The following OR5A2 variants were observed in gnomAD, a reference collection of about 807,000 sequenced individuals.
The protein encoded by OR5A2 is olfactory receptor 5A2.
For missense variants in OR5A2, 406 were observed against 398.9 expected, an observed-to-expected ratio of 1.02 and a Z score of -0.15; for synonymous variants, 155 against 151.1, an observed-to-expected ratio of 1.03 and a Z score of -0.19.
chr11:59,420,206 A>G lies in OR5A2; in HGVS notation c.*1773T>C, dbSNP rs1003459948. The G allele has an allele frequency of 6.6e-6, 1 of 152,126 alleles. No individual in the cohort carries two copies. Among genetic ancestry groups the G allele is most frequent in the African/African-American group, 2.4e-5 (1 of 41,432 alleles). 9.4% of individuals were successfully genotyped at this position (152,126 alleles called of 1,614,324 possible). A position where few individuals can be genotyped will look rare whatever the true frequency, so the allele number is the denominator to read the frequency against. On this transcript the variant is annotated 3_prime_UTR_variant, in exon 2 of 2. Coordinates refer to ENST00000302040, the MANE Select transcript of OR5A2 (RefSeq NM_001001954.2). ...TCAGGTAGCTACAGATGAGGAAAACAGAGTTTCTAAATAACTTGGATCAGG... is the reference window on the plus strand; with the variant it reads ...TCAGGTAGCTACAGATGAGGAAAACGGAGTTTCTAAATAACTTGGATCAGG...
At position 59,417,690 on chromosome 11, in the gene OR5A2, T is replaced by G. The variant is rs1046523451; in HGVS notation, c.*4289A>C. The G allele has an allele frequency of 6.6e-6, 1 of 152,058 alleles. No individual in the cohort carries two copies. The highest frequency in any genetic ancestry group is 2.4e-5 in the African/African-American group (1 of 41,418). 9.4% of individuals were successfully genotyped at this position (152,058 alleles called of 1,614,324 possible). A position where few individuals can be genotyped will look rare whatever the true frequency, so the allele number is the denominator to read the frequency against. ...ATTATCTAGACACAAGCAAGTGAAA[T>G]ACAAATGATTCCTCATTTCTGTGGA... On this transcript the variant is annotated 3_prime_UTR_variant, in exon 2 of 2. Transcript: ENST00000302040.
Position 59,417,029 on chromosome 11 carries a change from C to A in OR5A2, c.*4950G>T, listed in dbSNP as rs753891388. 1 of 152,016 alleles carries A rather than the reference C, an allele frequency of 6.6e-6. No individual in the cohort carries two copies. The highest frequency in any genetic ancestry group is 1.5e-5 in the Non-Finnish European group (1 of 67,978). The allele number at this position is 152,016 out of a possible 1,614,324, so 9.4% of individuals were successfully genotyped here. On this transcript the variant is annotated 3_prime_UTR_variant, in exon 2 of 2. Transcript: ENST00000302040. ...CAAACAAGAATATACCATACAATATCAAAGTGATACTTTATGCATGCCAAT... is the reference window on the plus strand; with the variant it reads ...CAAACAAGAATATACCATACAATATAAAAGTGATACTTTATGCATGCCAAT...
At chr11:59,424,942 G>A (rs1858277563) in intron 1 of OR5A2, 1 of 152,168 alleles carries the variant, frequency 6.6e-6, no homozygotes. Flanking sequence ...CTCTTATCTT[G>A]GTGAAATCTT....
rs971170830 is a variant in OR5A2 at position 59,420,804 on chromosome 11, T to C, written c.*1175A>G. 1 of 152,212 alleles carries C rather than the reference T, an allele frequency of 6.6e-6. No homozygotes were observed. The highest frequency in any genetic ancestry group is 1.5e-5 in the Non-Finnish European group (1 of 68,032). The allele number at this position is 152,212 out of a possible 1,614,324, so 9.4% of individuals were successfully genotyped here. On this transcript the variant is annotated 3_prime_UTR_variant, in exon 2 of 2. Transcript: ENST00000302040. ...CTTCCAGAATTAATCACAGCCCTGG[T>C]AAAAATAGAGAACTTTTCATCCCAA...
intron 1 of OR5A2, 152 bp from the exon 2 acceptor site, chr11:59,423,196 AAGT>A: frequency 2.4e-6 from 1 of 421,544 alleles, no homozygotes; most frequent in Non-Finnish European, 4.2e-6. Flanking sequence ...TCTAATAATA[AAGT>A]AGAAACTGAT....
In OR5A2 at chr11:59,417,811, G is replaced by A. The variant is rs1480315678; in HGVS notation, c.*4168C>T. 1 of 151,954 alleles carries A rather than the reference G, an allele frequency of 6.6e-6. No homozygotes were observed. Among genetic ancestry groups the A allele is most frequent in the Non-Finnish European group, 1.5e-5 (1 of 67,974 alleles). 9.4% of individuals were successfully genotyped at this position (151,954 alleles called of 1,614,324 possible). ...GAAAAATGTTAAGCATCTCATCAGA[G>A]CTCCTTTAATGCATCACTCATTAAT... On this transcript the variant is annotated 3_prime_UTR_variant, in exon 2 of 2. Transcript: ENST00000302040.
intron 1 of OR5A2, chr11:59,424,739 A>T (rs1480276514): frequency 2.6e-5 from 4 of 152,244 alleles, no homozygotes; most frequent in African/African-American, 9.6e-5. Context: ...GCATGTTTGC[A>T]CCCAATGGTA....
chr11:59,423,035 T>C lies in OR5A2; in HGVS notation c.-82A>G. ...TAGATTTTGTTTGTTATTGTAAGAG[T>C]GGGTATTTCCTAGAAGATCATACAA... On this transcript the variant is annotated 5_prime_UTR_variant, in exon 2 of 2. Coordinates refer to ENST00000302040, the MANE Select transcript of OR5A2 (RefSeq NM_001001954.2). 7.4e-7 allele frequency: 1 copy of C among 1,354,678 alleles called. No individual in the cohort carries two copies. The highest frequency in any genetic ancestry group is 1.0e-6 in the Non-Finnish European group (1 of 982,648). The allele number at this position is 1,354,678 out of a possible 1,614,324, so 83.9% of individuals were successfully genotyped here. A position where few individuals can be genotyped will look rare whatever the true frequency, so the allele number is the denominator to read the frequency against.
At position 59,417,180 on chromosome 11, in the gene OR5A2, T is replaced by C. The variant is rs1565069095; in HGVS notation, c.*4799A>G. Reference sequence around the variant, plus strand: ...GGTCTCCCCGGGTCCCAGCTGCCGGTTTATTTATAGAATGTGGTCCCACCC... The same window carrying C: ...GGTCTCCCCGGGTCCCAGCTGCCGGCTTATTTATAGAATGTGGTCCCACCC... On this transcript the variant is annotated 3_prime_UTR_variant, in exon 2 of 2. Coordinates refer to ENST00000302040, the MANE Select transcript of OR5A2 (RefSeq NM_001001954.2). The C allele has an allele frequency of 1.3e-5, 2 of 151,994 alleles. No homozygotes were observed. Among genetic ancestry groups the C allele is most frequent in the South Asian group, 2.1e-4 (1 of 4,830 alleles). 9.4% of individuals were successfully genotyped at this position (151,994 alleles called of 1,614,324 possible). A position where few individuals can be genotyped will look rare whatever the true frequency, so the allele number is the denominator to read the frequency against.
Position 59,422,786 on chromosome 11 carries a change from C to A in OR5A2, c.168G>T (p.Leu56=). The A allele has an allele frequency of 6.2e-7, 1 of 1,614,120 alleles. No homozygotes were observed. The highest frequency in any genetic ancestry group is 1.1e-5 in the South Asian group (1 of 91,082). Residue 56 remains leucine (L), a synonymous_variant, in exon 2 of 2, where the codon CTG becomes CTT. Coordinates refer to ENST00000302040, the MANE Select transcript of OR5A2 (RefSeq NM_001001954.2). ...TGAGGAAGAAGTACATGGGCATGTG[C>A]AGGTGAGAGTCCATCTTAATGAGGG... ...LIALIKMDSH[L]HMPMYFFLSN... is the part of the protein sequence containing the mutation.
intron 1 of OR5A2, 68 bp from the exon 2 acceptor site, chr11:59,423,112 G>T (rs1858253435): frequency 1.4e-6 from 1 of 714,566 alleles, no homozygotes; most frequent in Admixed American, 2.5e-5. Flanking sequence ...CCACCTGCTA[G>T]GCAAAGACTT....
intron 1 of OR5A2, 63 bp from the exon 2 acceptor site, chr11:59,423,107 T>G: frequency 1.3e-6 from 1 of 744,300 alleles, no homozygotes; most frequent in Non-Finnish European, 2.2e-6. Context: ...CCCAGCCACC[T>G]GCTAGGCAAA....
In OR5A2 at chr11:59,420,813, A is replaced by G. The variant is rs768921817; in HGVS notation, c.*1166T>C. 6.6e-6 allele frequency: 1 copy of G among 152,218 alleles called. No homozygotes were observed. Among genetic ancestry groups the G allele is most frequent in the Non-Finnish European group, 1.5e-5 (1 of 68,040 alleles). The allele number at this position is 152,218 out of a possible 1,614,324, so 9.4% of individuals were successfully genotyped here. On this transcript the variant is annotated 3_prime_UTR_variant, in exon 2 of 2. Transcript: ENST00000302040. ...TTAATCACAGCCCTGGTAAAAATAG[A>G]GAACTTTTCATCCCAAATGAGCGTA... is the stretch of plus-strand genomic sequence containing the variant.
rs146505415 is a variant in OR5A2, at chr11:59,422,187, C to T, written c.767G>A (p.Gly256Glu). Reference protein sequence around the residue: ...LTAVTLFYGSGFFMYMRPSSS... With the variant: ...LTAVTLFYGSEFFMYMRPSSS... Reference sequence around the variant, plus strand: ...ACTGGGTCGCATGTACATGAAGAATCCAGAACCATAGAAGAGGGTCACAGC... The same window carrying T: ...ACTGGGTCGCATGTACATGAAGAATTCAGAACCATAGAAGAGGGTCACAGC... The change falls in exon 2 of 2, where the codon GGA (glycine) becomes GAA (glutamate). Residue 256 changes from glycine to glutamate, a missense_variant. Gly to Glu is a moderately conservative substitution (Grantham distance 98). Coordinates refer to ENST00000302040, the MANE Select transcript of OR5A2 (RefSeq NM_001001954.2). 3.3e-4 allele frequency: 532 copies of T among 1,614,088 alleles called. 3 individuals carry two copies. The African/African-American group carries it at 6.2e-3, about 19-fold the overall frequency.
rs1858203150 is a variant in OR5A2, at chr11:59,419,975, A to G, written c.*2004T>C. The G allele has an allele frequency of 6.6e-6, 1 of 152,182 alleles. No homozygotes were observed. Among genetic ancestry groups the G allele is most frequent in the Non-Finnish European group, 1.5e-5 (1 of 68,020 alleles). 9.4% of individuals were successfully genotyped at this position (152,182 alleles called of 1,614,324 possible). ...TTCCCACAAGAGACTTTGCAAGGCAATTTCAAGGTATGTCAAGGAAATATA... is the reference window on the plus strand; with the variant it reads ...TTCCCACAAGAGACTTTGCAAGGCAGTTTCAAGGTATGTCAAGGAAATATA... On this transcript the variant is annotated 3_prime_UTR_variant, in exon 2 of 2. Transcript: ENST00000302040.
rs751253917 is a variant in OR5A2, at chr11:59,422,035, C to T, written c.919G>A (p.Glu307Lys). 1 of 1,613,976 alleles carries T rather than the reference C, an allele frequency of 6.2e-7. No individual in the cohort carries two copies. Among genetic ancestry groups the T allele is most frequent in the Non-Finnish European group, 8.5e-7 (1 of 1,179,930 alleles). Residue 307 changes from glutamate to lysine, a missense_variant, in exon 2 of 2, where the codon GAA becomes AAA. Coordinates refer to ENST00000302040, the MANE Select transcript of OR5A2 (RefSeq NM_001001954.2). The stretch of plus-strand genomic sequence containing the variant: ...CCGTGAGAAATCCCGGGGTCCCTTT[C>T]CATGGCTTTCCTCATGGCATTTTTA... ...EIKNAMRKAM[E>K]RDPGISHGGP...
intron 1 of OR5A2, chr11:59,424,499 G>C (rs1182263532): frequency 6.6e-6 from 1 of 152,124 alleles, no homozygotes; most frequent in Non-Finnish European, 1.5e-5. Context: ...AGGTGAGGGG[G>C]ATCACTTGAG....
chr11:59,426,106 C>CTGTA (rs1858300877), intron 1 of OR5A2, 65 bp downstream of exon 1: 8 of 152,196 alleles, frequency 5.3e-5, no homozygotes, highest in Admixed American at 5.2e-4. Flanking sequence ...GTAGAATAGG[C>CTGTA]TGTAAATGCA....
Position 59,419,309 on chromosome 11 carries a change from T to TA in OR5A2, c.*2669dup, listed in dbSNP as rs1476734166. 6.6e-6 allele frequency: 1 copy of TA among 152,142 alleles called. No homozygotes were observed. Among genetic ancestry groups the TA allele is most frequent in the Non-Finnish European group, 1.5e-5 (1 of 68,018 alleles). 9.4% of individuals were successfully genotyped at this position (152,142 alleles called of 1,614,324 possible). On this transcript the variant is annotated 3_prime_UTR_variant, in exon 2 of 2. Transcript: ENST00000302040. ...TTTCCTTGACTTATATAAAACTGAGTAAAAATATTGACTAATAATGTAAGC... is the reference window on the plus strand; with the variant it reads ...TTTCCTTGACTTATATAAAACTGAGTAAAAAATATTGACTAATAATGTAAGC...
Sources: allele counts gnomAD v4.1 joint callset, GRCh38; gene constraint gnomAD v4.1.1; transcripts MANE v1.5; gene names NCBI Gene and HGNC (gene_info 2026-07-23, HGNC 2026-07-21).